The following TRPM3 variants were observed in gnomAD, a reference collection of about 807,000 sequenced individuals.
TRPM3 encodes the protein transient receptor potential cation channel subfamily M member 3.
In TRPM3, 77 loss-of-function variants were observed where a neutral mutation model predicts 181.2. That is an observed-to-expected ratio of 0.42 (90% confidence interval 0.35 to 0.51). The LOEUF (loss-of-function observed/expected upper bound fraction) is 0.51. Ranked by LOEUF, TRPM3 falls within the 20% of genes least tolerant of loss-of-function variation. TRPM3 has a pLI of 0.01. For synonymous variants in TRPM3, 745 were observed against 796.4 expected (o/e 0.94, Z 1.09); for missense variants, 1,759 against 2,196.7 (o/e 0.80, Z 3.98).
rs144355694 is a variant in TRPM3, at chr9:71,416,209, G to C, written c.183+30444C>G. Among the ~76,000 whole-genome samples the C allele has an allele frequency of 3.0e-3, 461 of 151,868 alleles. 1 individual carries two copies. The highest frequency in any genetic ancestry group is 0.011 in the African/African-American group (441 of 41,498). On this transcript the variant is annotated intron_variant, in intron 1 of 24. Transcript: ENST00000357533. ...GGAGAAGATTTAGTAATATAAATCAGAATAGGTACTTAAGAGAACAGAGAA... is the reference window on the plus strand; with the variant it reads ...GGAGAAGATTTAGTAATATAAATCACAATAGGTACTTAAGAGAACAGAGAA...
At chr9:71,215,757 T>G (rs2079824212) in intron 1 of TRPM3, among the ~76,000 whole-genome samples, 2 of 152,218 alleles carry the variant, frequency 1.3e-5, no homozygotes, top group African/African-American at 2.4e-5. Flanking sequence ...GTTTTAATTG[T>G]GTAAGGCACT....
At chr9:71,009,686 C>A (rs2097715667) in intron 1 of TRPM3, among the ~76,000 whole-genome samples, 1 of 151,844 alleles carries the variant, frequency 6.6e-6, no homozygotes, top group Non-Finnish European at 1.5e-5. Context: ...TTAATGCAGT[C>A]TCTATCAAAA....
At chr9:71,096,892 C>T (rs1261940388) in intron 1 of TRPM3, among the ~76,000 whole-genome samples, 1 of 152,050 alleles carries the variant, frequency 6.6e-6, no homozygotes, top group Non-Finnish European at 1.5e-5. Context: ...TCAGAATTTA[C>T]CTCTAGAACA....
At chr9:71,126,582 C>T (rs2074043707), upstream of TRPM3, among the ~76,000 whole-genome samples, 1 of 152,080 alleles carries the variant, frequency 6.6e-6, no homozygotes, top group South Asian at 2.1e-4. Flanking sequence ...AACAGATTAA[C>T]TTTTTTCCTT....
At chr9:71,270,186 C>T (rs1041013040) in intron 1 of TRPM3, among the ~76,000 whole-genome samples, 1 of 152,130 alleles carries the variant, frequency 6.6e-6, no homozygotes, top group Admixed American at 6.5e-5. Context: ...CCCGTCTCTA[C>T]TAAAAATGCA....
intron 1 of TRPM3, among the ~76,000 whole-genome samples, chr9:71,239,134 G>A (rs888830354): frequency 1.6e-4 from 24 of 152,084 alleles, no homozygotes; most frequent in South Asian, 1.2e-3. Context: ...AATCCAATGC[G>A]GAACATTTAA....
chr9:71,307,330 A>G (rs1178615234), intron 1 of TRPM3, among the ~76,000 whole-genome samples: 1 of 151,998 alleles, frequency 6.6e-6, no homozygotes, highest in Non-Finnish European at 1.5e-5. Context: ...TACCAATCCT[A>G]TAATTGCATT....
chr9:70,884,093 T>A (rs2132729160), intron 1 of TRPM3, among the ~76,000 whole-genome samples: 1 of 152,148 alleles, frequency 6.6e-6, no homozygotes, highest in Admixed American at 6.5e-5. Flanking sequence ...AGCATTTGGG[T>A]AGTTGTTTTC....
At chr9:70,971,312 C>T (rs930207703) in intron 1 of TRPM3, among the ~76,000 whole-genome samples, 21 of 152,256 alleles carry the variant, frequency 1.4e-4, no homozygotes, top group South Asian at 4.1e-4. Flanking sequence ...CTCAGCCACT[C>T]GCAGCATATT....
At chr9:71,200,005 C>T (rs1269967574) in intron 1 of TRPM3, among the ~76,000 whole-genome samples, 6 of 152,176 alleles carry the variant, frequency 3.9e-5, no homozygotes, top group Admixed American at 2.0e-4. Context: ...CTATTGTGCA[C>T]ATTTAGTGCT....
At position 71,133,292 on chromosome 9, in the gene TRPM3, C is replaced by CTTTTTTTTTTTTTTTTT. The variant is rs761379173; in HGVS notation, c.184-268798_184-268782dup. On this transcript the variant is annotated intron_variant, in intron 1 of 24. Coordinates refer to the TRPM3 transcript ENST00000357533. ...CATTTGTAATTCTTCTAGCAAATTG[C>CTTTTTTTTTTTTTTTTT]TTTTTTTTTTTTTTTTTTTGAGACA... Among the ~76,000 whole-genome samples, 124 of 72,330 alleles carry CTTTTTTTTTTTTTTTTT rather than the reference C, an allele frequency of 1.7e-3. 18 individuals carry two copies. The highest frequency in any genetic ancestry group is 3.9e-3 in the East Asian group (8 of 2,066). 47.5% of individuals were successfully genotyped at this position (72,330 alleles called of 152,430 possible).
At chr9:71,438,540 G>C (rs965692194) in intron 1 of TRPM3, among the ~76,000 whole-genome samples, 16 of 152,082 alleles carry the variant, frequency 1.1e-4, no homozygotes, top group African/African-American at 3.9e-4. Context: ...GGGTGTGGTG[G>C]CGCATGCATG....
intron 1 of TRPM3, among the ~76,000 whole-genome samples, chr9:71,067,915 T>G (rs2062150468): frequency 6.6e-6 from 1 of 152,162 alleles, no homozygotes. Context: ...GAAATCAGGG[T>G]GCTAGGCAAT....
chr9:71,249,598 A>C (rs917456064), intron 1 of TRPM3, among the ~76,000 whole-genome samples: 25 of 152,250 alleles, frequency 1.6e-4, no homozygotes, highest in African/African-American at 5.8e-4. Flanking sequence ...TCACAAATGT[A>C]AAGAAGCCTA....
intron 8 of TRPM3, among the ~76,000 whole-genome samples, chr9:70,692,480 G>A (rs2068887910): frequency 6.6e-6 from 1 of 152,228 alleles, no homozygotes. Context: ...AGCTTGTGTT[G>A]TCCTTGAACC....
chr9:70,945,878 A>C (rs1337018), intron 1 of TRPM3, among the ~76,000 whole-genome samples: 31,377 of 151,960 alleles, frequency 0.21, 4,047 homozygotes, highest in East Asian at 0.35. Flanking sequence ...GGGATAGAAA[A>C]CCTGCAGGGT....
intron 21 of TRPM3, among the ~76,000 whole-genome samples, chr9:70,596,835 C>A (rs753013415): frequency 1.8e-4 from 28 of 152,050 alleles, no homozygotes; most frequent in Admixed American, 3.3e-4. Flanking sequence ...AAAAAAATAC[C>A]TCACCGCAGT....
At chr9:71,192,529 C>T (rs951177147) in intron 1 of TRPM3, among the ~76,000 whole-genome samples, 4 of 151,836 alleles carry the variant, frequency 2.6e-5, no homozygotes, top group Non-Finnish European at 4.4e-5. Context: ...AGCATGTTTT[C>T]ACATACTTGT....
intron 1 of TRPM3, among the ~76,000 whole-genome samples, chr9:71,301,143 C>T (rs1344498908): frequency 6.6e-6 from 1 of 152,112 alleles, no homozygotes; most frequent in African/African-American, 2.4e-5. Context: ...CTCAGAGCAA[C>T]ATGTACCAAA....
Sources: allele counts gnomAD v4.1 joint callset (sites outside exome capture counted in the v4.1 genomes callset), GRCh38; gene constraint gnomAD v4.1.1; transcripts MANE v1.5; gene names NCBI Gene and HGNC (gene_info 2026-07-23, HGNC 2026-07-21).